Variants in CFAP221 observed in about 807,000 individuals in gnomAD.
CFAP221 encodes the protein cilia and flagella associated protein 221.
CFAP221 carries 97 observed loss-of-function variants against 113.1 expected under a neutral mutation model. That is an observed-to-expected ratio of 0.86 (90% CI 0.73 to 1.02). The LOEUF (loss-of-function observed/expected upper bound fraction) is 1.02. Among genes scored for constraint, CFAP221 ranks in the 50% least tolerant of loss-of-function variants. The probability of loss-of-function intolerance (pLI) is 0.00; values close to 1 mark genes in which losing one functional copy is unlikely to be tolerated. For synonymous variants in CFAP221, 331 were observed against 354.4 expected, an observed-to-expected ratio of 0.93 and a Z score of 0.74; for missense variants, 1,025 against 1,013.4, an observed-to-expected ratio of 1.01 and a Z score of -0.16.
chr2:119,616,153 A>G (rs1685512285), intron 14 of CFAP221, among the ~76,000 whole-genome samples: 2 of 152,278 alleles, frequency 1.3e-5, no homozygotes, highest in Non-Finnish European at 2.9e-5. Flanking sequence ...TGTATACATT[A>G]TATAAGAATC....
intron 16 of CFAP221, 141 bp from the exon 17 acceptor site, chr2:119,629,734 T>G (rs1349628569): frequency 1.6e-6 from 1 of 614,498 alleles, no homozygotes; most frequent in Non-Finnish European, 2.8e-6. Context: ...GCCCTACAGA[T>G]CAAGTGGCAA....
At position 119,546,065 on chromosome 2, in the gene CFAP221, T is replaced by G; in HGVS notation, c.-47-20T>G. The G allele has an allele frequency of 6.9e-7, 1 of 1,446,774 alleles. No individual in the cohort carries two copies. The highest frequency in any genetic ancestry group is 9.1e-7 in the Non-Finnish European group (1 of 1,097,270). The allele number at this position is 1,446,774 out of a possible 1,614,324, so 89.6% of individuals were successfully genotyped here. ...CGTGGTTTCTCATGGATGATTATAC[T>G]GCTGCTCTTTCCTCCCCAGGACATG... On this transcript the variant is annotated intron_variant, in intron 1 of 23. Coordinates refer to ENST00000413369, the MANE Select transcript of CFAP221 (RefSeq NM_001271049.2).
chr2:119,644,843 A>G (rs936703839), intron 21 of CFAP221, among the ~76,000 whole-genome samples: 6 of 152,104 alleles, frequency 3.9e-5, no homozygotes, highest in Non-Finnish European at 5.9e-5. Context: ...ACCATTCCAT[A>G]TTTGTATCTC....
intron 6 of CFAP221, among the ~76,000 whole-genome samples, chr2:119,581,690 T>A (rs1682856599): frequency 1.3e-5 from 2 of 152,100 alleles, no homozygotes; most frequent in Admixed American, 1.3e-4. Flanking sequence ...TAAAGATAAT[T>A]ATGAAGATTT....
At chr2:119,643,567 T>C (rs1687623636) in intron 21 of CFAP221, among the ~76,000 whole-genome samples, 1 of 152,114 alleles carries the variant, frequency 6.6e-6, no homozygotes, top group Non-Finnish European at 1.5e-5. Flanking sequence ...ATTTTTTAGA[T>C]GGAGTCTCAC....
intron 21 of CFAP221, among the ~76,000 whole-genome samples, chr2:119,643,289 T>C (rs1687607583): frequency 6.6e-6 from 1 of 152,272 alleles, no homozygotes; most frequent in Non-Finnish European, 1.5e-5. Context: ...AGTTAGTGTT[T>C]ATTTATTCCA....
At position 119,652,032 on chromosome 2, in the gene CFAP221, T is replaced by C. The variant is rs965891947; in HGVS notation, c.2377T>C (p.Phe793Leu). ...MLTPEMIKVE[F>L]PMLNYKDIRK... is the part of the protein sequence containing the mutation. The stretch of plus-strand genomic sequence containing the variant: ...GACTCCAGAAATGATCAAAGTGGAA[T>C]TCCCTATGTTGAACTACAAGGACAT... The change falls in exon 23 of 24, where the codon TTC becomes CTC. Residue 793 changes from phenylalanine to leucine, a missense_variant. Physicochemically the swap from Phe to Leu is conservative, Grantham distance 22. Coordinates refer to ENST00000413369, the MANE Select transcript of CFAP221 (RefSeq NM_001271049.2). The C allele has an allele frequency of 1.2e-6, 2 of 1,613,348 alleles. No individual in the cohort carries two copies. The highest frequency in any genetic ancestry group is 1.7e-5 in the Admixed American group (1 of 59,930).
At chr2:119,566,289 G>A (rs563126475) in intron 6 of CFAP221, among the ~76,000 whole-genome samples, 114 of 152,302 alleles carry the variant, frequency 7.5e-4, no homozygotes, top group South Asian at 2.5e-3. Context: ...AAGTGAGTCG[G>A]CTTTTGCATG....
At chr2:119,572,794 C>T (rs1432338151) in intron 6 of CFAP221, 2 of 534,252 alleles carry the variant, frequency 3.7e-6, no homozygotes, top group South Asian at 2.9e-5. Flanking sequence ...GCCATGGGCT[C>T]CTGCAGCAAG....
At chr2:119,648,176 G>C (rs542811498) in intron 22 of CFAP221, among the ~76,000 whole-genome samples, 1 of 152,258 alleles carries the variant, frequency 6.6e-6, no homozygotes, top group East Asian at 1.9e-4. Flanking sequence ...TAATGACCCT[G>C]GTATTCCAAA....
chr2:119,611,071 A>G (rs1574128270), intron 12 of CFAP221, among the ~76,000 whole-genome samples: 1 of 152,112 alleles, frequency 6.6e-6, no homozygotes, highest in East Asian at 1.9e-4. Flanking sequence ...CCAGCCCAGG[A>G]AGACCTGTCA....
intron 5 of CFAP221, among the ~76,000 whole-genome samples, chr2:119,560,280 A>C (rs904810244): frequency 2.0e-5 from 3 of 152,154 alleles, no homozygotes; most frequent in African/African-American, 7.2e-5. Flanking sequence ...CAGGCTTCCC[A>C]CTGCCCTGTG....
downstream of CFAP221, among the ~76,000 whole-genome samples, chr2:119,659,763 C>T (rs1301445947): frequency 1.3e-5 from 2 of 152,230 alleles, no homozygotes; most frequent in Non-Finnish European, 2.9e-5. Flanking sequence ...TATGACCTCA[C>T]CACCTTCTTG....
chr2:119,642,033 G>A (rs1687524980), intron 21 of CFAP221, among the ~76,000 whole-genome samples: 1 of 152,186 alleles, frequency 6.6e-6, no homozygotes, highest in Non-Finnish European at 1.5e-5. Flanking sequence ...AACAAGCAGT[G>A]AGAATGCAGT....
In CFAP221 at chr2:119,638,437, C is replaced by A. The variant is rs1334417580; in HGVS notation, c.2133+20C>A. The A allele has an allele frequency of 6.2e-7, 1 of 1,613,818 alleles. No individual in the cohort carries two copies. Among genetic ancestry groups the A allele is most frequent in the South Asian group, 1.1e-5 (1 of 91,042 alleles). On this transcript the variant is annotated intron_variant, in intron 20 of 23. Transcript: ENST00000413369. ...CACACGGTAATGTCATCACCAGGCT[C>A]ACTGGCAGAGTGACCCTGGGCTGCA...
At chr2:119,556,495 T>A (rs886881024) in intron 3 of CFAP221, among the ~76,000 whole-genome samples, 1 of 152,046 alleles carries the variant, frequency 6.6e-6, no homozygotes, top group Non-Finnish European at 1.5e-5. Context: ...ACAAATTGGA[T>A]CTATGTTGTT....
At chr2:119,582,731 C>G (rs1055500402) in intron 6 of CFAP221, among the ~76,000 whole-genome samples, 2 of 152,148 alleles carry the variant, frequency 1.3e-5, no homozygotes, top group Non-Finnish European at 2.9e-5. Flanking sequence ...GCTTGGATTA[C>G]AGGCGTGAGC....
At chr2:119,563,096 A>G (rs1259673913) in intron 6 of CFAP221, among the ~76,000 whole-genome samples, 3 of 152,158 alleles carry the variant, frequency 2.0e-5, no homozygotes, top group East Asian at 1.9e-4. Context: ...TGAGGCTGCA[A>G]TGGGCTGTGA....
In CFAP221 at chr2:119,564,541, T is replaced by C. The variant is rs532585492; in HGVS notation, c.527+2427T>C. On this transcript the variant is annotated intron_variant, in intron 6 of 23. Coordinates refer to ENST00000413369, the MANE Select transcript of CFAP221 (RefSeq NM_001271049.2). ...TAATAACCATTCCCTGGGTTTACTTTAGTAGTTTTGATGCATGCACATGCA... is the reference window on the plus strand; with the variant it reads ...TAATAACCATTCCCTGGGTTTACTTCAGTAGTTTTGATGCATGCACATGCA... Among the ~76,000 whole-genome samples, 26 of 152,348 alleles carry C rather than the reference T, an allele frequency of 1.7e-4. 1 individual carries two copies. The highest frequency in any genetic ancestry group is 5.5e-4 in the African/African-American group (23 of 41,582).
Sources: allele counts gnomAD v4.1 joint callset (sites outside exome capture counted in the v4.1 genomes callset), GRCh38; gene constraint gnomAD v4.1.1; transcripts MANE v1.5; gene names NCBI Gene and HGNC (gene_info 2026-07-23, HGNC 2026-07-21).